The following RNPS1 variants were observed in gnomAD, a reference collection of about 807,000 sequenced individuals.
The protein encoded by RNPS1 is RNA binding protein with serine rich domain 1.
For synonymous variants in RNPS1, 147 were observed against 150.0 expected (o/e 0.98, Z 0.15); for missense variants, 300 against 427.6 (o/e 0.70, Z 2.63).
chr16:2,263,983 G>C, intron 3 of RNPS1, 193 bp downstream of exon 3: 1 of 610,904 alleles, frequency 1.6e-6, no homozygotes, highest in East Asian at 3.0e-5. Context: ...TCCTGCCTCG[G>C]CCTCCCAAAG....
chr16:2,255,598 G>A lies in RNPS1; in HGVS notation c.805C>T (p.Arg269Trp), dbSNP rs2093574505. Residue 269 changes from arginine to tryptophan, a missense_variant, in exon 7 of 8, where the codon CGG becomes TGG. Transcript: ENST00000320225. ...PPPMWRRSPP[R>W]MRRRSRSPRR... The stretch of plus-strand genomic sequence containing the variant: ...CAAATTGTTTACCTTCTCCTCATCC[G>A]TGGGGGAGACCTGCGCCACATAGGC... 1.3e-6 allele frequency: 2 copies of A among 1,592,192 alleles called. No homozygotes were observed. Among genetic ancestry groups the A allele is most frequent in the African/African-American group, 1.3e-5 (1 of 74,278 alleles).
At position 2,253,208 on chromosome 16, in the gene RNPS1, G is replaced by A. The variant is rs2093559126; in HGVS notation, c.*756C>T. ...ACAATGTCATCTAAAATGCTACAAA[G>A]GTATAAAACTCAAAAGAGAAATTTT... On this transcript the variant is annotated 3_prime_UTR_variant, in exon 8 of 8. Coordinates refer to ENST00000320225, the MANE Select transcript of RNPS1 (RefSeq NM_080594.4). 1 of 152,430 alleles carries A rather than the reference G, an allele frequency of 6.6e-6. No individual in the cohort carries two copies. The highest frequency in any genetic ancestry group is 1.5e-5 in the Non-Finnish European group (1 of 68,046). 9.4% of individuals were successfully genotyped at this position (152,430 alleles called of 1,614,324 possible). A position where few individuals can be genotyped will look rare whatever the true frequency, so the allele number is the denominator to read the frequency against.
At chr16:2,267,775 G>A (rs1406146063) in intron 1 of RNPS1, 7 of 1,366,308 alleles carry the variant, frequency 5.1e-6, no homozygotes, top group Non-Finnish European at 6.6e-6. Flanking sequence ...CGCGCTCCCC[G>A]CTGGTCTGAG....
Position 2,262,405 on chromosome 16 carries a change from G to C in RNPS1, c.549C>G (p.Thr183=), listed in dbSNP as rs139326604. 34 of 1,613,882 alleles carry C rather than the reference G, an allele frequency of 2.1e-5. No individual in the cohort carries two copies. The highest frequency in any genetic ancestry group is 2.8e-5 in the Non-Finnish European group (33 of 1,179,972). ...TKDHIMEIFS[T]YGKIKMIDMP... ...TGTCAATCATTTTAATTTTCCCATA[G>C]GTGGAAAATATCTCCATGATGTGAT... The change falls in exon 6 of 8, where the codon ACC becomes ACG. Residue 183 remains threonine (T), a synonymous_variant. Coordinates refer to ENST00000320225, the MANE Select transcript of RNPS1 (RefSeq NM_080594.4).
intron 6 of RNPS1, among the ~76,000 whole-genome samples, chr16:2,260,086 T>C (rs1460816160): frequency 1.3e-5 from 2 of 152,058 alleles, no homozygotes; most frequent in East Asian, 3.8e-4. Context: ...TTGGAGCATA[T>C]TTGTTTCTCT....
rs1284824836 is a variant in RNPS1, at chr16:2,255,851, G to A, written c.677-125C>T. On this transcript the variant is annotated intron_variant, in intron 6 of 7. Coordinates refer to ENST00000320225, the MANE Select transcript of RNPS1 (RefSeq NM_080594.4). ...TAAGATAATCACAGAAACAGGGCCGGGCATGGTGGCTCACTCCTGTAATCC... is the reference window on the plus strand; with the variant it reads ...TAAGATAATCACAGAAACAGGGCCGAGCATGGTGGCTCACTCCTGTAATCC... The A allele has an allele frequency of 3.9e-5, 42 of 1,073,046 alleles. 1 individual carries two copies. Among genetic ancestry groups the A allele is most frequent in the Non-Finnish European group, 5.4e-5 (39 of 724,976 alleles). The allele number at this position is 1,073,046 out of a possible 1,614,324, so 66.5% of individuals were successfully genotyped here.
chr16:2,259,535 T>G (rs2093593304), intron 6 of RNPS1, among the ~76,000 whole-genome samples: 1 of 152,220 alleles, frequency 6.6e-6, no homozygotes, highest in Admixed American at 6.5e-5. Flanking sequence ...TAAATACAGA[T>G]TTCTAATAAC....
At chr16:2,258,101 G>A (rs181315021) in intron 6 of RNPS1, 5 of 152,274 alleles carry the variant, frequency 3.3e-5, no homozygotes, top group Admixed American at 2.0e-4. Flanking sequence ...CGTCATGAGT[G>A]GTTATGAGAT....
chr16:2,253,890 C>T lies in RNPS1; in HGVS notation c.*74G>A, dbSNP rs1327165783. On this transcript the variant is annotated 3_prime_UTR_variant, in exon 8 of 8. Transcript: ENST00000320225. ...AAGGGTTTGCTTTCCTACTGGTCTT[C>T]CTTTGGCTAGAAAAGTGACAAAACT... 1 of 1,356,310 alleles carries T rather than the reference C, an allele frequency of 7.4e-7. No homozygotes were observed. The highest frequency in any genetic ancestry group is 1.0e-6 in the Non-Finnish European group (1 of 968,884). The allele number at this position is 1,356,310 out of a possible 1,614,324, so 84.0% of individuals were successfully genotyped here.
chr16:2,254,740 C>CTTTTTT (rs11315814), intron 7 of RNPS1, among the ~76,000 whole-genome samples: 2 of 103,590 alleles, frequency 1.9e-5, no homozygotes, highest in African/African-American at 3.6e-5. Flanking sequence ...AAAGTTTTAC[C>CTTTTTT]TTTTTTTTTT....
At chr16:2,257,649 C>T (rs974451938) in intron 6 of RNPS1, 1 of 152,166 alleles carries the variant, frequency 6.6e-6, no homozygotes, top group Non-Finnish European at 1.5e-5. Flanking sequence ...GACTGTCAAA[C>T]AGCAGATAAT....
At chr16:2,254,180 G>A in intron 7 of RNPS1, 117 bp from the exon 8 acceptor site, 2 of 732,242 alleles carry the variant, frequency 2.7e-6, no homozygotes, top group African/African-American at 1.8e-5. Flanking sequence ...TCTGTCTCCA[G>A]GCCAGAGTGC....
intron 1 of RNPS1, chr16:2,267,821 G>C (rs1349385407): frequency 1.2e-5 from 18 of 1,479,128 alleles, no homozygotes; most frequent in Non-Finnish European, 1.5e-5. Context: ...CCGAGCGGAC[G>C]AAGCACAGGC....
At chr16:2,261,764 G>C (rs2093603938) in intron 6 of RNPS1, among the ~76,000 whole-genome samples, 1 of 152,158 alleles carries the variant, frequency 6.6e-6, no homozygotes, top group South Asian at 2.1e-4. Flanking sequence ...GTTTTATTGG[G>C]AAGAAAACTC....
chr16:2,256,502 G>A (rs2093578992), intron 6 of RNPS1: 1 of 152,306 alleles, frequency 6.6e-6, no homozygotes, highest in Non-Finnish European at 1.5e-5. Context: ...AGGTTGCAGT[G>A]AGCTGACATC....
intron 6 of RNPS1, among the ~76,000 whole-genome samples, chr16:2,260,136 G>A (rs953854653): frequency 6.9e-6 from 1 of 144,560 alleles, no homozygotes; most frequent in African/African-American, 2.5e-5. Context: ...ATTTGTGTGT[G>A]TGTGTGTATT....
intron 3 of RNPS1, among the ~76,000 whole-genome samples, chr16:2,263,594 C>G (rs2093612367): frequency 6.6e-6 from 1 of 152,210 alleles, no homozygotes; most frequent in Admixed American, 6.5e-5. Flanking sequence ...GGGAAGGCAG[C>G]TGCTGGCTGA....
intron 7 of RNPS1, among the ~76,000 whole-genome samples, chr16:2,254,692 A>G (rs1490232996): frequency 6.6e-6 from 1 of 151,346 alleles, no homozygotes. Flanking sequence ...CAGCCTCCCA[A>G]AGTGCTGGGA....
rs2093618219 is a variant in RNPS1, at chr16:2,264,753, A to C, written c.-110T>G. The C allele has an allele frequency of 1.3e-6, 2 of 1,557,548 alleles. No individual in the cohort carries two copies. The highest frequency in any genetic ancestry group is 3.8e-5 in the Admixed American group (2 of 52,190). ...CCTAATCGATTGCAATTTACGCCAA[A>C]GAGCAGCCTAATAACAAGATAAAAG... On this transcript the variant is annotated 5_prime_UTR_variant, in exon 2 of 8. Coordinates refer to ENST00000320225, the MANE Select transcript of RNPS1 (RefSeq NM_080594.4).
Sources: gnomAD v4.1 joint callset for allele counts (sites outside exome capture counted in the v4.1 genomes callset) on GRCh38, gnomAD v4.1.1 for gene constraint, MANE v1.5 for transcripts, NCBI Gene and HGNC (gene_info 2026-07-23, HGNC 2026-07-21) for gene names.